The following ADAMTS12 variants were observed in gnomAD, a reference collection of about 807,000 sequenced individuals.
The protein encoded by ADAMTS12 is ADAM metallopeptidase with thrombospondin type 1 motif 12.
Under a neutral mutation model 167.8 loss-of-function variants are expected in ADAMTS12, and 118 were observed. That is an observed-to-expected ratio of 0.70 (90% CI 0.61 to 0.82). The LOEUF is 0.82. ADAMTS12 is among the 40% of genes least tolerant of loss of function. ADAMTS12 has a pLI of 0.00. For missense variants in ADAMTS12, 1,916 were observed against 1,998.8 expected, an observed-to-expected ratio of 0.96 and a Z score of 0.79; for synonymous variants, 704 against 716.9, an observed-to-expected ratio of 0.98 and a Z score of 0.29.
At chr5:33,654,874 T>TGTG (rs1740990646) in intron 7 of ADAMTS12, among the ~76,000 whole-genome samples, 3 of 141,568 alleles carry the variant, frequency 2.1e-5, no homozygotes, top group East Asian at 2.1e-4. Context: ...GTGGGTGATT[T>TGTG]TGTGTGTGTG....
At chr5:33,716,480 T>C (rs1451337289) in intron 3 of ADAMTS12, among the ~76,000 whole-genome samples, 1 of 152,134 alleles carries the variant, frequency 6.6e-6, no homozygotes, top group Non-Finnish European at 1.5e-5. Context: ...AGCAATCTTA[T>C]TGCAGTTTCT....
chr5:33,851,920 T>C (rs1190162682), intron 2 of ADAMTS12, among the ~76,000 whole-genome samples: 1 of 152,178 alleles, frequency 6.6e-6, no homozygotes, highest in African/African-American at 2.4e-5. Flanking sequence ...ACACACACCA[T>C]AGCCTGCTTA....
intron 2 of ADAMTS12, among the ~76,000 whole-genome samples, chr5:33,840,671 A>G (rs906137341): frequency 5.3e-5 from 8 of 152,232 alleles, no homozygotes; most frequent in African/African-American, 1.9e-4. Flanking sequence ...ATTCAGCTCT[A>G]TGCCCAAGGC....
intron 2 of ADAMTS12, among the ~76,000 whole-genome samples, chr5:33,784,248 T>C (rs1165119055): frequency 1.3e-5 from 2 of 151,796 alleles, no homozygotes; most frequent in African/African-American, 2.4e-5. Flanking sequence ...ACAGCTAACC[T>C]CATAGTTAAT....
chr5:33,631,789 C>T (rs1309319679), intron 12 of ADAMTS12, among the ~76,000 whole-genome samples: 1 of 152,052 alleles, frequency 6.6e-6, no homozygotes, highest in African/African-American at 2.4e-5. Flanking sequence ...TAGTGAAAAA[C>T]ACAATAATGT....
In ADAMTS12 at chr5:33,576,434, G is replaced by A; in HGVS notation, c.3592C>T (p.Pro1198Ser). Residue 1198 changes from proline to serine, a missense_variant, in exon 19 of 24, where the codon CCT becomes TCT. Physicochemically the swap from Pro to Ser is moderately conservative, Grantham distance 74. Coordinates refer to ENST00000504830, the MANE Select transcript of ADAMTS12 (RefSeq NM_030955.4). Reference protein sequence around the residue: ...PVESTEMPLAPPLTPDLSRES... With the variant: ...PVESTEMPLASPLTPDLSRES... ...CTGCTGAGATCTGGTGTTAGTGGAG[G>A]TGCAAGTGGCATTTCTGTACTTTCC... 6.2e-7 allele frequency: 1 copy of A among 1,612,134 alleles called. No individual in the cohort carries two copies. The highest frequency in any genetic ancestry group is 8.5e-7 in the Non-Finnish European group (1 of 1,178,856).
chr5:33,847,532 A>C (rs1748989581), intron 2 of ADAMTS12, among the ~76,000 whole-genome samples: 2 of 152,258 alleles, frequency 1.3e-5, no homozygotes, highest in Middle Eastern at 3.4e-3. Context: ...CTGAGGCAGG[A>C]GAATCACCTG....
intron 23 of ADAMTS12, among the ~76,000 whole-genome samples, chr5:33,529,557 T>C (rs1179416077): frequency 6.6e-6 from 1 of 152,094 alleles, no homozygotes; most frequent in Non-Finnish European, 1.5e-5. Flanking sequence ...TCAGGAAAAG[T>C]AGAAATGGAA....
chr5:33,680,316 T>C (rs1742061867), intron 5 of ADAMTS12, among the ~76,000 whole-genome samples: 1 of 152,136 alleles, frequency 6.6e-6, no homozygotes, highest in South Asian at 2.1e-4. Context: ...GCCATGGAGA[T>C]GCCCTGGTGA....
chr5:33,758,246 G>A (rs1745232972), intron 2 of ADAMTS12, among the ~76,000 whole-genome samples: 1 of 152,106 alleles, frequency 6.6e-6, no homozygotes, highest in South Asian at 2.1e-4. Flanking sequence ...TGTAGGAATG[G>A]ACAGAGGCAT....
At chr5:33,530,948 T>G (rs1196884291) in intron 23 of ADAMTS12, among the ~76,000 whole-genome samples, 1 of 152,156 alleles carries the variant, frequency 6.6e-6, no homozygotes, top group African/African-American at 2.4e-5. Flanking sequence ...TCTTGGCAGA[T>G]AGAATAATGA....
intron 16 of ADAMTS12, among the ~76,000 whole-genome samples, chr5:33,613,333 C>T (rs1186547118): frequency 2.6e-5 from 4 of 152,192 alleles, no homozygotes; most frequent in African/African-American, 7.2e-5. Context: ...CAGGCCCTGA[C>T]CCCTGCCTTC....
In ADAMTS12 at chr5:33,537,808, A is replaced by G. The variant is rs111458940; in HGVS notation, c.4447-2816T>C. On this transcript the variant is annotated intron_variant, in intron 22 of 23. Transcript: ENST00000504830. ...CGGTGCAACTATGCAGCTATGAACAATGAGAATTACAAACAGTATAGCAAC... is the reference window on the plus strand; with the variant it reads ...CGGTGCAACTATGCAGCTATGAACAGTGAGAATTACAAACAGTATAGCAAC... Among the ~76,000 whole-genome samples the G allele has an allele frequency of 2.8e-3, 434 of 152,370 alleles. 3 individuals are homozygous for G. Among genetic ancestry groups the G allele is most frequent in the African/African-American group, 9.9e-3 (412 of 41,588 alleles).
At chr5:33,580,494 G>T (rs1003815945) in intron 18 of ADAMTS12, among the ~76,000 whole-genome samples, 1 of 152,032 alleles carries the variant, frequency 6.6e-6, no homozygotes, top group Non-Finnish European at 1.5e-5. Context: ...ATTACAATTT[G>T]GATTACCATT....
chr5:33,588,813 CA>C lies in ADAMTS12; in HGVS notation c.2655-5del, dbSNP rs771297596. 1.2e-6 allele frequency: 2 copies of C among 1,612,676 alleles called. No individual in the cohort carries two copies. The highest frequency in any genetic ancestry group is 8.5e-7 in the Non-Finnish European group (1 of 1,179,984). On this transcript the variant is annotated splice_polypyrimidine_tract_variant and splice_region_variant and intron_variant, in intron 17 of 23. Coordinates refer to ENST00000504830, the MANE Select transcript of ADAMTS12 (RefSeq NM_030955.4). ...TTCCCACTCCCCTGCCCACCACCTG[CA>C]GGCAAACATGGATATGTGAGAGAAG... is the stretch of plus-strand genomic sequence containing the variant.
intron 1 of ADAMTS12, among the ~76,000 whole-genome samples, chr5:33,888,498 T>C (rs1257408080): frequency 6.6e-6 from 1 of 152,244 alleles, no homozygotes; most frequent in African/African-American, 2.4e-5. Flanking sequence ...CTTTTTACAT[T>C]AAGAAAATAG....
intron 2 of ADAMTS12, among the ~76,000 whole-genome samples, chr5:33,758,215 G>A (rs1229504401): frequency 6.6e-6 from 1 of 152,088 alleles, no homozygotes; most frequent in African/African-American, 2.4e-5. Flanking sequence ...AGGGATGCCT[G>A]GGCCACAAGT....
At chr5:33,552,129 T>A (rs1745275210) in intron 20 of ADAMTS12, among the ~76,000 whole-genome samples, 1 of 152,200 alleles carries the variant, frequency 6.6e-6, no homozygotes, top group African/African-American at 2.4e-5. Context: ...ATGAAAAATA[T>A]CCTTAGCTTA....
intron 3 of ADAMTS12, among the ~76,000 whole-genome samples, chr5:33,688,473 G>C (rs1241110696): frequency 6.6e-6 from 1 of 152,210 alleles, no homozygotes; most frequent in Non-Finnish European, 1.5e-5. Context: ...CCTGGAAAAT[G>C]CAATTTACCG....
Sources: allele counts gnomAD v4.1 joint callset (sites outside exome capture counted in the v4.1 genomes callset), GRCh38; gene constraint gnomAD v4.1.1; transcripts MANE v1.5; gene names NCBI Gene and HGNC (gene_info 2026-07-23, HGNC 2026-07-21).